PEX11G: variants seen among roughly 807,000 people sequenced by gnomAD.
The protein encoded by PEX11G is peroxisomal biogenesis factor 11 gamma.
A neutral mutation model predicts 22.5 loss-of-function variants in PEX11G; 20 were observed. The observed-to-expected ratio is 0.89, with a 90% CI of 0.62 to 1.29. PEX11G has a LOEUF of 1.29. Among genes scored for constraint, PEX11G ranks in the 50% most tolerant of loss-of-function variants. The pLI is 0.00. For missense variants in PEX11G, 347 were observed against 331.3 expected (o/e 1.05, Z -0.37); for synonymous variants, 141 against 154.5 (o/e 0.91, Z 0.65).
At chr19:7,494,137 C>T (rs1198699194) in intron 1 of PEX11G, among the ~76,000 whole-genome samples, 1 of 152,098 alleles carries the variant, frequency 6.6e-6, no homozygotes, top group East Asian at 1.9e-4. Flanking sequence ...GAACTCCTGA[C>T]CTTGGGGAAT....
At chr19:7,485,419 G>A (rs113838290) in intron 2 of PEX11G, among the ~76,000 whole-genome samples, 27,031 of 151,604 alleles carry the variant, frequency 0.18, 2,487 homozygotes, top group Middle Eastern at 0.24. Context: ...GCAGTGGCGC[G>A]ATCTCGGCTC....
chr19:7,478,487 C>A, intron 3 of PEX11G, 111 bp from the exon 4 acceptor site: 1 of 1,139,796 alleles, frequency 8.8e-7, no homozygotes, highest in Middle Eastern at 2.1e-4. Flanking sequence ...CTCGGATAAA[C>A]GGCCTGCCCT....
intron 3 of PEX11G, among the ~76,000 whole-genome samples, chr19:7,481,492 A>G (rs1415207249): frequency 6.6e-6 from 1 of 152,176 alleles, no homozygotes; most frequent in Non-Finnish European, 1.5e-5. Flanking sequence ...ATGAGCCACC[A>G]CGCCCAACCT....
At position 7,477,239 on chromosome 19, in the gene PEX11G, G is replaced by A. The variant is rs1220979420; in HGVS notation, c.689C>T (p.Ala230Val). 6.5e-7 allele frequency: 1 copy of A among 1,548,206 alleles called. No homozygotes were observed. Among genetic ancestry groups the A allele is most frequent in the Admixed American group, 2.1e-5 (1 of 47,382 alleles). The change falls in exon 5 of 5, where the codon GCC becomes GTC. Residue 230 changes from alanine (A) to valine (V), a missense_variant. Ala to Val is a moderately conservative substitution (Grantham distance 64). Coordinates refer to ENST00000221480, the MANE Select transcript of PEX11G (RefSeq NM_080662.4). ...ISSILSMYQA[A>V]RAGGQAEATT... ...GGCCTCGGCCTGGCCGCCGGCCCGG[G>A]CCGCCTGGTACATGCTGAGGATTGA...
In PEX11G at chr19:7,485,916, G is replaced by A. The variant is rs747058958; in HGVS notation, c.171C>T (p.Ser57=). Residue 57 remains serine, a synonymous_variant, in exon 2 of 5, where the codon AGC becomes AGT. Transcript: ENST00000221480. ...TRLLVVSTQL[S]HCRTILRLFD... Reference sequence around the variant, plus strand: ...AGAGTCGCAAGATGGTCCTGCAGTGGCTGAGTTGGGTGGACACCACCAACA... The same window carrying A: ...AGAGTCGCAAGATGGTCCTGCAGTGACTGAGTTGGGTGGACACCACCAACA... 6.2e-7 allele frequency: 1 copy of A among 1,613,784 alleles called. No individual in the cohort carries two copies. Among genetic ancestry groups the A allele is most frequent in the Non-Finnish European group, 8.5e-7 (1 of 1,179,724 alleles).
Position 7,477,277 on chromosome 19 carries a change from C to A in PEX11G, c.651G>T (p.Met217Ile). The A allele has an allele frequency of 6.3e-7, 1 of 1,585,314 alleles. No homozygotes were observed. The highest frequency in any genetic ancestry group is 8.6e-7 in the Non-Finnish European group (1 of 1,167,626). The change falls in exon 5 of 5, where the codon ATG becomes ATT. Residue 217 changes from methionine (M) to isoleucine (I), a missense_variant. Physicochemically the swap from Met to Ile is conservative, Grantham distance 10. Coordinates refer to ENST00000221480, the MANE Select transcript of PEX11G (RefSeq NM_080662.4). ...GRFPPWLVGL[M>I]GTISSILSMY... The stretch of plus-strand genomic sequence containing the variant: ...TGCTGAGGATTGAGGAGATGGTGCC[C>A]ATGAGGCCCACTAGCCACGGCGGGA...
intron 2 of PEX11G, among the ~76,000 whole-genome samples, chr19:7,483,733 G>C (rs1439348354): frequency 1.3e-5 from 2 of 152,126 alleles, no homozygotes; most frequent in Non-Finnish European, 1.5e-5. Flanking sequence ...TTTCGGGGCG[G>C]GGAGCACCTG....
chr19:7,479,508 C>T (rs888230851), intron 3 of PEX11G, among the ~76,000 whole-genome samples: 2 of 152,116 alleles, frequency 1.3e-5, no homozygotes, highest in Admixed American at 1.3e-4. Context: ...AAGCCCTGGG[C>T]GCCGGACCCA....
At chr19:7,479,889 G>A (rs148347996) in intron 3 of PEX11G, among the ~76,000 whole-genome samples, 12 of 152,256 alleles carry the variant, frequency 7.9e-5, no homozygotes, top group African/African-American at 1.9e-4. Flanking sequence ...GCCAGTAGTC[G>A]GGGAGGCTGT....
intron 4 of PEX11G, among the ~76,000 whole-genome samples, chr19:7,477,992 A>T (rs568658507): frequency 2.8e-4 from 43 of 152,254 alleles, no homozygotes; most frequent in Non-Finnish European, 5.7e-4. Flanking sequence ...ACTGTGCTCC[A>T]GCCTGGGCAA....
chr19:7,478,350 C>T lies in PEX11G; in HGVS notation c.455G>A (p.Arg152Lys). The T allele has an allele frequency of 1.9e-6, 3 of 1,611,378 alleles. No homozygotes were observed. Among genetic ancestry groups the T allele is most frequent in the Non-Finnish European group, 2.5e-6 (3 of 1,179,504 alleles). ...ARSLWMLLKL[R>K]QRLRSPTAPF... ...CGCCGTGGGGCTCCGCAGCCTCTGT[C>T]TCAGTTTCAGCAGCATCCACAGGGA... The change falls in exon 4 of 5, where the codon AGA becomes AAA. Residue 152 changes from arginine to lysine, a missense_variant. By Grantham distance (26) the Arg-to-Lys change is conservative. Transcript: ENST00000221480.
intron 1 of PEX11G, among the ~76,000 whole-genome samples, chr19:7,488,581 C>A (rs974401674): frequency 3.9e-5 from 6 of 152,166 alleles, no homozygotes; most frequent in Admixed American, 3.9e-4. Context: ...AGGTGGATCG[C>A]TTGAGGCCAG....
At position 7,488,939 on chromosome 19, in the gene PEX11G, C is replaced by CCCCTGCCTCACCAGGCGGT. The variant is rs1568384376; in HGVS notation, c.53_60+11dup. 6.4e-7 allele frequency: 1 copy of CCCCTGCCTCACCAGGCGGT among 1,550,628 alleles called. No homozygotes were observed. The highest frequency in any genetic ancestry group is 8.7e-7 in the Non-Finnish European group (1 of 1,148,524). On this transcript the variant is annotated intron_variant, in intron 1 of 4. Transcript: ENST00000221480. Reference sequence around the variant, plus strand: ...CTCTAGGACCTCCGGCCCCGGTCCGCCCCTGCCTCACCAGGCGGTCCCGGC... The same window carrying CCCCTGCCTCACCAGGCGGT: ...CTCTAGGACCTCCGGCCCCGGTCCGCCCCTGCCTCACCAGGCGGTCCCTGCCTCACCAGGCGGTCCCGGC...
In PEX11G at chr19:7,488,987, C is replaced by A; in HGVS notation, c.24G>T (p.Ala8=). 9 of 1,547,922 alleles carry A rather than the reference C, an allele frequency of 5.8e-6. No homozygotes were observed. Among genetic ancestry groups the A allele is most frequent in the Non-Finnish European group, 7.8e-6 (9 of 1,149,626 alleles). Residue 8 remains alanine, a synonymous_variant, in exon 1 of 5, where the codon GCG becomes GCT. Transcript: ENST00000221480. Reference sequence around the variant, plus strand: ...GGCCCCTGTACGACTCCAGCGCCGACGCCAGGCCGCTCAGCGACGCCATGG... The same window carrying A: ...GGCCCCTGTACGACTCCAGCGCCGAAGCCAGGCCGCTCAGCGACGCCATGG... MASLSGL[A]SALESYRGRD... is the part of the protein sequence containing the mutation.
intron 3 of PEX11G, among the ~76,000 whole-genome samples, chr19:7,480,247 C>CAA (rs59917736): frequency 1.6e-3 from 214 of 135,358 alleles, no homozygotes; most frequent in Middle Eastern, 3.8e-3. Context: ...CAGCCTGTCT[C>CAA]AAAAAAAAAA....
At chr19:7,479,977 GTC>G (rs1042385169) in intron 3 of PEX11G, among the ~76,000 whole-genome samples, 4 of 152,088 alleles carry the variant, frequency 2.6e-5, no homozygotes, top group Admixed American at 6.6e-5. Context: ...AAAAAATAAA[GTC>G]TGGGCCGGGA....
rs370349114 is a variant in PEX11G at position 7,479,112 on chromosome 19, G to A, written c.429-736C>T. Reference sequence around the variant, plus strand: ...CCCAGGGTGCAGGATGCAGGATAGCGCCAGTGGCACAGCAGGTGGGAGCCT... The same window carrying A: ...CCCAGGGTGCAGGATGCAGGATAGCACCAGTGGCACAGCAGGTGGGAGCCT... On this transcript the variant is annotated intron_variant, in intron 3 of 4. Coordinates refer to ENST00000221480, the MANE Select transcript of PEX11G (RefSeq NM_080662.4). Among the ~76,000 whole-genome samples, 18 of 152,312 alleles carry A rather than the reference G, an allele frequency of 1.2e-4. No individual in the cohort carries two copies. In the East Asian group the frequency reaches 2.1e-3, roughly 18 times the overall value.
chr19:7,478,975 C>T (rs1045116916), intron 3 of PEX11G, among the ~76,000 whole-genome samples: 1 of 152,212 alleles, frequency 6.6e-6, no homozygotes. Context: ...GGCACCCACC[C>T]GGGCCAGTCC....
intron 1 of PEX11G, among the ~76,000 whole-genome samples, chr19:7,488,556 T>C (rs886076490): frequency 6.6e-6 from 1 of 152,142 alleles, no homozygotes; most frequent in Non-Finnish European, 1.5e-5. Context: ...TCCCAGCACT[T>C]TGGGAGGCCG....
Sources: allele counts gnomAD v4.1 joint callset (sites outside exome capture counted in the v4.1 genomes callset), GRCh38; gene constraint gnomAD v4.1.1; transcripts MANE v1.5; gene names NCBI Gene and HGNC (gene_info 2026-07-23, HGNC 2026-07-21).